Variants in HYCC1 observed in about 807,000 individuals in gnomAD.
HYCC1 encodes hyccin.
the HYCC1 span, among the ~76,000 whole-genome samples, chr7:22,957,829 T>C: frequency 0.048 from 7,248 of 152,064 alleles, 194 homozygotes; most frequent in Non-Finnish European, 0.053. Context: ...AGTCCTATGT[T>C]TCAGAAACAT....
At chr7:22,941,559 A>G in the HYCC1 span, 1 of 152,184 alleles carries the variant, frequency 6.6e-6, no homozygotes, top group South Asian at 2.1e-4. Flanking sequence ...AAGAGAAAGC[A>G]ACAATACGTG....
chr7:22,941,888 A>G, the HYCC1 span: 1 of 152,268 alleles, frequency 6.6e-6, no homozygotes, highest in South Asian at 2.1e-4. Flanking sequence ...ACTATTATAC[A>G]TTAATTTCTA....
the HYCC1 span, among the ~76,000 whole-genome samples, chr7:22,910,073 C>G: frequency 6.6e-6 from 1 of 152,168 alleles, no homozygotes; most frequent in Non-Finnish European, 1.5e-5. Flanking sequence ...AACTCAGTGA[C>G]AAATATGTAA....
the HYCC1 span, chr7:22,937,763 T>C: frequency 1.3e-5 from 2 of 152,064 alleles, no homozygotes; most frequent in African/African-American, 4.8e-5. Flanking sequence ...GGGAGACAAA[T>C]ATGAGAAAGA....
the HYCC1 span, among the ~76,000 whole-genome samples, chr7:22,966,493 C>T: frequency 1.4e-3 from 218 of 152,046 alleles, 1 homozygote; most frequent in African/African-American, 4.8e-3. Flanking sequence ...GGTTTCACCA[C>T]GTTGGTCAGC....
the HYCC1 span, among the ~76,000 whole-genome samples, chr7:22,981,882 T>A: frequency 6.6e-6 from 1 of 152,156 alleles, no homozygotes; most frequent in Non-Finnish European, 1.5e-5. Context: ...ATAATTTTTT[T>A]AAAAAACTGG....
the HYCC1 span, among the ~76,000 whole-genome samples, chr7:22,925,344 T>C: frequency 0.24 from 37,095 of 151,906 alleles, 4,695 homozygotes; most frequent in East Asian, 0.45. Flanking sequence ...ATAACTTTGA[T>C]GAGTTGAGAG....
At chr7:22,997,010 G>C in the HYCC1 span, among the ~76,000 whole-genome samples, 1 of 152,130 alleles carries the variant, frequency 6.6e-6, no homozygotes, top group African/African-American at 2.4e-5. Flanking sequence ...TTCCGGAGCA[G>C]AATATTTAAA....
At chr7:22,988,553 A>C in the HYCC1 span, among the ~76,000 whole-genome samples, 9 of 151,422 alleles carry the variant, frequency 5.9e-5, no homozygotes. Context: ...ACTCACTGCG[A>C]CCAGGGTGCC....
chr7:22,945,831 A>G, the HYCC1 span: 2 of 1,613,790 alleles, frequency 1.2e-6, no homozygotes, highest in Non-Finnish European at 1.7e-6. Flanking sequence ...GTCTTAGCCA[A>G]ACCATGGCTA....
At chr7:22,965,287 G>C in the HYCC1 span, among the ~76,000 whole-genome samples, 1 of 151,990 alleles carries the variant, frequency 6.6e-6, no homozygotes, top group African/African-American at 2.4e-5. Context: ...ACTTCATGCA[G>C]TATACCATAA....
chr7:22,923,920 G>C, the HYCC1 span, among the ~76,000 whole-genome samples: 8 of 147,720 alleles, frequency 5.4e-5, no homozygotes, highest in South Asian at 8.6e-4. Flanking sequence ...ACTTTGGAAA[G>C]CCCAGGCAGG....
At chr7:22,997,662 G>C in the HYCC1 span, among the ~76,000 whole-genome samples, 1 of 152,132 alleles carries the variant, frequency 6.6e-6, no homozygotes, top group African/African-American at 2.4e-5. Context: ...ATGTGCTGTT[G>C]CTTAAAAAGA....
the HYCC1 span, chr7:22,945,782 C>A: frequency 1.2e-6 from 2 of 1,613,792 alleles, no homozygotes; most frequent in East Asian, 2.2e-5. Flanking sequence ...TGTGACACCA[C>A]TGACTTGTTC....
At chr7:22,920,573 G>GA in the HYCC1 span, among the ~76,000 whole-genome samples, 8 of 151,254 alleles carry the variant, frequency 5.3e-5, no homozygotes, top group Middle Eastern at 3.2e-3. Flanking sequence ...AAACAAAACT[G>GA]AAAAAAAATC....
chr7:22,928,755 T>C, the HYCC1 span, among the ~76,000 whole-genome samples: 1 of 151,980 alleles, frequency 6.6e-6, no homozygotes, highest in Non-Finnish European at 1.5e-5. Context: ...AAAATGGCCA[T>C]ACTGCCCAAG....
chr7:22,961,794 T>A, the HYCC1 span, among the ~76,000 whole-genome samples: 3 of 152,148 alleles, frequency 2.0e-5, no homozygotes, highest in Admixed American at 1.3e-4. Flanking sequence ...ATTTGCTACA[T>A]GTTGCAAATA....
At chr7:22,946,731 C>T in the HYCC1 span, among the ~76,000 whole-genome samples, 7 of 152,012 alleles carry the variant, frequency 4.6e-5, no homozygotes, top group Non-Finnish European at 8.8e-5. Flanking sequence ...AATTTTAGAA[C>T]TCCAAACATA....
At chr7:22,930,972 A>G in the HYCC1 span, among the ~76,000 whole-genome samples, 1 of 152,136 alleles carries the variant, frequency 6.6e-6, no homozygotes, top group South Asian at 2.1e-4. Flanking sequence ...AACAAACTAC[A>G]AATATCAAGC....
Sources: gnomAD v4.1 joint callset for allele counts (sites outside exome capture counted in the v4.1 genomes callset) on GRCh38, gnomAD v4.1.1 for gene constraint, MANE v1.5 for transcripts, NCBI Gene and HGNC (gene_info 2026-07-23, HGNC 2026-07-21) for gene names.